Variants in ZNF45 observed in about 807,000 individuals in gnomAD.
ZNF45 encodes zinc finger protein 45.
Under a neutral mutation model 12.0 loss-of-function variants are expected in ZNF45, and 4 were observed. The observed-to-expected ratio is 0.33, with a 90% confidence interval of 0.16 to 0.76. The LOEUF (loss-of-function observed/expected upper bound fraction) is 0.76, where lower values mean the gene tolerates loss of function less well. Among genes scored for constraint, ZNF45 ranks in the 30% least tolerant of loss-of-function variants. The pLI is 0.60. For missense variants in ZNF45, 700 were observed against 813.0 expected, an observed-to-expected ratio of 0.86 and a Z score of 1.69; for synonymous variants, 272 against 279.6, an observed-to-expected ratio of 0.97 and a Z score of 0.27.
At chr19:43,917,219 A>G (rs926796477) in intron 9 of ZNF45, among the ~76,000 whole-genome samples, 1 of 152,210 alleles carries the variant, frequency 6.6e-6, no homozygotes. Context: ...ATTCTTGTTT[A>G]AGGCCACACA....
intron 3 of ZNF45, 71 bp from the exon 4 acceptor site, chr19:43,925,529 T>C (rs1973603105): frequency 6.6e-6 from 1 of 152,240 alleles, no homozygotes; most frequent in South Asian, 2.1e-4. Context: ...GCTTGATTTA[T>C]TAGTAAATTA....
Position 43,930,172 on chromosome 19 carries a change from A to C in ZNF45, c.-400+2432T>G, listed in dbSNP as rs546863946. Among the ~76,000 whole-genome samples the C allele has an allele frequency of 9.9e-5, 15 of 152,280 alleles. No individual in the cohort carries two copies. In the East Asian group the frequency reaches 1.2e-3, roughly 12 times the overall value. On this transcript the variant is annotated intron_variant, in intron 3 of 9. Transcript: ENST00000269973. ...GGGGATGGAGGAATGCTGTGTCTTC[A>C]TAGTCTTCATATGGCAGAAGAACAA...
At chr19:43,924,741 G>A (rs1443523397) in intron 4 of ZNF45, among the ~76,000 whole-genome samples, 180 bp from the exon 5 acceptor site, 1 of 152,176 alleles carries the variant, frequency 6.6e-6, no homozygotes, top group Non-Finnish European at 1.5e-5. Flanking sequence ...CAGCCCACCA[G>A]TACTGGAATA....
At position 43,914,327 on chromosome 19, in the gene ZNF45, C is replaced by G. The variant is rs1311085671; in HGVS notation, c.1109G>C (p.Ser370Thr). 1.2e-6 allele frequency: 2 copies of G among 1,612,996 alleles called. No homozygotes were observed. The highest frequency in any genetic ancestry group is 1.7e-6 in the Non-Finnish European group (2 of 1,179,368). Residue 370 changes from serine to threonine, a missense_variant, in exon 10 of 10, where the codon AGT (serine) becomes ACT (threonine). Ser to Thr is a moderately conservative substitution (Grantham distance 58, BLOSUM62 1). Coordinates refer to ENST00000269973, the MANE Select transcript of ZNF45 (RefSeq NM_003425.4). ...YKCEECGKGF[S>T]VGSHLQAHQI... Reference sequence around the variant, plus strand: ...ATGGGCCTGAAGGTGTGAACCCACACTGAAACCTTTCCCACACTCCTCACA... The same window carrying G: ...ATGGGCCTGAAGGTGTGAACCCACAGTGAAACCTTTCCCACACTCCTCACA...
chr19:43,934,461 C>T lies in ZNF45; in HGVS notation c.-522G>A, dbSNP rs902617030. ...TCGGAACAGAAGAGGAAGGTGAATGCTAGGTCCTGTCACAGTGGGGCTCTG... is the reference window on the plus strand; with the variant it reads ...TCGGAACAGAAGAGGAAGGTGAATGTTAGGTCCTGTCACAGTGGGGCTCTG... On this transcript the variant is annotated 5_prime_UTR_variant, in exon 2 of 10. Coordinates refer to ENST00000269973, the MANE Select transcript of ZNF45 (RefSeq NM_003425.4). 2 of 152,162 alleles carry T rather than the reference C, an allele frequency of 1.3e-5. No individual in the cohort carries two copies. The highest frequency in any genetic ancestry group is 6.5e-5 in the Admixed American group (1 of 15,272). 9.4% of individuals were successfully genotyped at this position (152,162 alleles called of 1,614,324 possible). A position where few individuals can be genotyped will look rare whatever the true frequency, so the allele number is the denominator to read the frequency against.
intron 9 of ZNF45, among the ~76,000 whole-genome samples, chr19:43,918,345 G>A (rs1302147576): frequency 6.6e-6 from 1 of 152,172 alleles, no homozygotes; most frequent in Non-Finnish European, 1.5e-5. Flanking sequence ...CATTAGATGT[G>A]AGTGTTATGG....
intron 7 of ZNF45, among the ~76,000 whole-genome samples, chr19:43,921,085 C>A (rs1973133089): frequency 6.6e-6 from 1 of 152,140 alleles, no homozygotes; most frequent in South Asian, 2.1e-4. Context: ...GGCACCCACA[C>A]AAAAAGGGCC....
intron 6 of ZNF45, among the ~76,000 whole-genome samples, chr19:43,922,519 G>C (rs2146980237): frequency 6.6e-6 from 1 of 152,168 alleles, no homozygotes; most frequent in Middle Eastern, 3.4e-3. Context: ...TAGAAATTGA[G>C]AGTAAAATAC....
At chr19:43,925,622 T>TTAAGAAA (rs1261425878) in intron 3 of ZNF45, among the ~76,000 whole-genome samples, 164 bp from the exon 4 acceptor site, 2 of 152,112 alleles carry the variant, frequency 1.3e-5, no homozygotes, top group Non-Finnish European at 2.9e-5. Context: ...GAAGAAATAC[T>TTAAGAAA]TATTTATTTA....
At chr19:43,925,699 G>A (rs1973617518) in intron 3 of ZNF45, among the ~76,000 whole-genome samples, 1 of 152,144 alleles carries the variant, frequency 6.6e-6, no homozygotes, top group South Asian at 2.1e-4. Context: ...TCAGCTTACT[G>A]CAACCTCAGC....
At chr19:43,917,606 C>T (rs1180952661) in intron 9 of ZNF45, among the ~76,000 whole-genome samples, 1 of 152,154 alleles carries the variant, frequency 6.6e-6, no homozygotes, top group Non-Finnish European at 1.5e-5. Context: ...CTACCTCAGC[C>T]CCCCAAGTAG....
Position 43,935,240 on chromosome 19 carries a change from G to A in ZNF45, c.-1072C>T, listed in dbSNP as rs1174172603. On this transcript the variant is annotated 5_prime_UTR_variant, in exon 1 of 10. Transcript: ENST00000269973. ...CCAGGACTCACTCACTTCCACGAGA[G>A]GAATGAAGGCCGCGCTCTCAACCTC... The A allele has an allele frequency of 2.0e-5, 3 of 152,418 alleles. No homozygotes were observed. Among genetic ancestry groups the A allele is most frequent in the South Asian group, 2.1e-4 (1 of 4,830 alleles). The allele number at this position is 152,418 out of a possible 1,614,324, so 9.4% of individuals were successfully genotyped here.
In ZNF45 at chr19:43,913,610, T is replaced by C; in HGVS notation, c.1826A>G (p.Glu609Gly). The C allele has an allele frequency of 2.5e-6, 4 of 1,614,162 alleles. No homozygotes were observed. Among genetic ancestry groups the C allele is most frequent in the Non-Finnish European group, 3.4e-6 (4 of 1,180,022 alleles). ...ACATTCCTCACATTTGTATGGTCTC[T>C]CTCCTGTGTGGACCCTCTGGTGGGC... The part of the protein sequence containing the change: ...LQAHQRVHTG[E>G]RPYKCEECGK... The change falls in exon 10 of 10, where the codon GAG becomes GGG. Residue 609 changes from glutamate to glycine, a missense_variant. Physicochemically the swap from Glu to Gly is moderately conservative, Grantham distance 98 (BLOSUM62 -2). Transcript: ENST00000269973.
chr19:43,928,284 A>G (rs1407501204), intron 3 of ZNF45, among the ~76,000 whole-genome samples: 1 of 151,944 alleles, frequency 6.6e-6, no homozygotes, highest in Non-Finnish European at 1.5e-5. Context: ...CAAATACCGC[A>G]TGTTCTAACT....
rs774843595 is a variant in ZNF45, at chr19:43,914,190, AC to A, written c.1245del (p.Tyr416IlefsTer124). Reference protein sequence around the residue: ...DHQRGHTGEKPYQCDACGKGF... With the variant: ...DHQRGHTGEKXYQCDACGKGF... ...CCCTTACCACATGCATCACACTGAT[AC>A]GGTTTCTCTCCAGTATGGCCTCTTT... On this transcript the variant is annotated frameshift_variant, in exon 10 of 10. Transcript: ENST00000269973. LOFTEE classifies it low-confidence loss of function (END_TRUNC). 1.9e-5 allele frequency: 31 copies of A among 1,606,220 alleles called. No homozygotes were observed. Among genetic ancestry groups the A allele is most frequent in the Non-Finnish European group, 2.5e-5 (29 of 1,174,432 alleles).
chr19:43,914,058 G>T lies in ZNF45; in HGVS notation c.1378C>A (p.Leu460Met). The change falls in exon 10 of 10, where the codon CTG becomes ATG. Residue 460 changes from leucine to methionine, a missense_variant. By Grantham distance (15) the Leu-to-Met change is conservative (BLOSUM62 2). Transcript: ENST00000269973. ...CCAGTGTGGCCTCTTTGATGGGCCA[G>T]AAGATTTGAGGCCTGGCTGAAGCCC... Reference protein sequence around the residue: ...GKGFSQASNLLAHQRGHTGEK... With the variant: ...GKGFSQASNLMAHQRGHTGEK... 6.2e-7 allele frequency: 1 copy of T among 1,614,090 alleles called. No homozygotes were observed. The highest frequency in any genetic ancestry group is 8.5e-7 in the Non-Finnish European group (1 of 1,179,990).
At chr19:43,922,838 T>C (rs1973319185) in intron 6 of ZNF45, among the ~76,000 whole-genome samples, 1 of 146,278 alleles carries the variant, frequency 6.8e-6, no homozygotes, top group Non-Finnish European at 1.5e-5. Flanking sequence ...TTTTTTTTTT[T>C]TTTTTGAGAG....
intron 8 of ZNF45, 66 bp downstream of exon 8, chr19:43,919,507 T>C: frequency 2.6e-6 from 4 of 1,557,260 alleles, no homozygotes; most frequent in Non-Finnish European, 3.5e-6. Context: ...TCCAAAGCCC[T>C]GTATACCCAA....
chr19:43,918,794 C>T, intron 9 of ZNF45, 76 bp downstream of exon 9: 1 of 1,269,286 alleles, frequency 7.9e-7, no homozygotes, highest in South Asian at 1.2e-5. Flanking sequence ...GCCTTCGTCA[C>T]ACATTTTTGT....
Sources: gnomAD v4.1 joint callset for allele counts (sites outside exome capture counted in the v4.1 genomes callset) on GRCh38, gnomAD v4.1.1 for gene constraint, MANE v1.5 for transcripts, NCBI Gene and HGNC (gene_info 2026-07-23, HGNC 2026-07-21) for gene names.